The following ZFYVE9 variants were observed in gnomAD, a reference collection of about 807,000 sequenced individuals.
ZFYVE9 encodes the protein zinc finger FYVE-type containing 9.
Under a neutral mutation model 126.7 loss-of-function variants are expected in ZFYVE9, and 43 were observed. The ratio of observed to expected loss-of-function variants is 0.34; its 90% CI spans 0.27 to 0.44. The LOEUF is 0.44. ZFYVE9 is among the 20% of genes least tolerant of loss of function. The pLI, the probability that ZFYVE9 is intolerant of heterozygous loss-of-function variation, is 1.00. For missense variants in ZFYVE9, 1,476 were observed against 1,697.0 expected, an observed-to-expected ratio of 0.87 and a Z score of 2.29; for synonymous variants, 521 against 597.4, an observed-to-expected ratio of 0.87 and a Z score of 1.87.
chr1:52,202,158 T>C (rs1461754529), intron 1 of ZFYVE9, among the ~76,000 whole-genome samples: 6 of 152,178 alleles, frequency 3.9e-5, no homozygotes, highest in Non-Finnish European at 7.3e-5. Context: ...TAGGTTGGTC[T>C]TTTTTTCCTC....
chr1:52,169,355 G>GCCATGAT lies in ZFYVE9; in HGVS notation c.-143+26952_-143+26953insCCATGAT, dbSNP rs533366460. ...GTCAAGGCTGCCATGAGCCATGATTGTGCCACTGCTCTCCAGCTTGGGTGA... is the reference window on the plus strand; with the variant it reads ...GTCAAGGCTGCCATGAGCCATGATTGCCATGATTGCCACTGCTCTCCAGCTTGGGTGA... On this transcript the variant is annotated intron_variant, in intron 1 of 18. Coordinates refer to ENST00000287727, the MANE Select transcript of ZFYVE9 (RefSeq NM_004799.4). Among the ~76,000 whole-genome samples, 454 of 152,266 alleles carry GCCATGAT rather than the reference G, an allele frequency of 3.0e-3. 2 individuals carry two copies. The highest frequency in any genetic ancestry group is 8.5e-3 in the South Asian group (41 of 4,822).
intron 1 of ZFYVE9, among the ~76,000 whole-genome samples, chr1:52,191,644 A>T (rs1014262806): frequency 3.9e-5 from 6 of 152,224 alleles, no homozygotes; most frequent in African/African-American, 1.4e-4. Flanking sequence ...ACTGATACTT[A>T]GGGTTATTCA....
chr1:52,246,537 T>TG (rs1645385967), intron 4 of ZFYVE9, among the ~76,000 whole-genome samples: 1 of 145,552 alleles, frequency 6.9e-6, no homozygotes, highest in African/African-American at 2.6e-5. Flanking sequence ...TTTCCTGGGT[T>TG]TTTTTTTTTT....
intron 1 of ZFYVE9, among the ~76,000 whole-genome samples, chr1:52,185,113 CCCCACTTGCTAACACTCAT>C (rs1644753055): frequency 6.6e-6 from 1 of 152,180 alleles, no homozygotes; most frequent in Non-Finnish European, 1.5e-5. Flanking sequence ...AGTACTATCT[CCCCACTTGCTAACACTCAT>C]CCCAGGTTTA....
At chr1:52,314,588 C>T (rs185667264) in intron 13 of ZFYVE9, among the ~76,000 whole-genome samples, 149 of 152,136 alleles carry the variant, frequency 9.8e-4, no homozygotes, top group African/African-American at 3.4e-3. Context: ...GATGCCAAGG[C>T]GGGTGGATCA....
At position 52,234,042 on chromosome 1, in the gene ZFYVE9, A is replaced by G. The variant is rs556276615; in HGVS notation, c.70+766A>G. On this transcript the variant is annotated intron_variant, in intron 3 of 18. Coordinates refer to ENST00000287727, the MANE Select transcript of ZFYVE9 (RefSeq NM_004799.4). ...GCAGTCCTCCCTCCTCAGCCGCCCA[A>G]AGTGCTGGGATTATAGGCATGAGCC... Among the ~76,000 whole-genome samples, 6 of 152,224 alleles carry G rather than the reference A, an allele frequency of 3.9e-5. No individual in the cohort carries two copies. In the East Asian group the frequency reaches 7.7e-4, roughly 20 times the overall value.
chr1:52,327,276 A>G (rs549385330), intron 13 of ZFYVE9, among the ~76,000 whole-genome samples: 3 of 152,256 alleles, frequency 2.0e-5, no homozygotes, highest in East Asian at 1.9e-4. Context: ...AAAGAAGGTA[A>G]TGGTCACATT....
chr1:52,255,815 A>G (rs1348362165), intron 4 of ZFYVE9, among the ~76,000 whole-genome samples: 1 of 152,030 alleles, frequency 6.6e-6, no homozygotes. Flanking sequence ...AGATTGCATC[A>G]CTGCACTCTA....
At chr1:52,207,925 A>G (rs1213199962) in intron 1 of ZFYVE9, among the ~76,000 whole-genome samples, 1 of 152,266 alleles carries the variant, frequency 6.6e-6, no homozygotes, top group African/African-American at 2.4e-5. Context: ...AAATACCTTC[A>G]TCATCATTAA....
At chr1:52,325,096 G>A (rs1408452123) in intron 13 of ZFYVE9, among the ~76,000 whole-genome samples, 1 of 152,182 alleles carries the variant, frequency 6.6e-6, no homozygotes, top group East Asian at 1.9e-4. Flanking sequence ...TGGCTAACAT[G>A]GTGAAACCCT....
intron 12 of ZFYVE9, among the ~76,000 whole-genome samples, chr1:52,299,378 T>A (rs1002893376): frequency 1.3e-5 from 2 of 152,224 alleles, no homozygotes; most frequent in Admixed American, 6.5e-5. Context: ...ACAATTTGAC[T>A]TTCCAGTTTG....
chr1:52,160,551 G>GT (rs1644448056), intron 1 of ZFYVE9: 8 of 766,150 alleles, frequency 1.0e-5, no homozygotes, highest in South Asian at 8.4e-5. Flanking sequence ...CACGCCTCAA[G>GT]TGCTGCTCTC....
chr1:52,231,137 A>G (rs1275602415), intron 2 of ZFYVE9, among the ~76,000 whole-genome samples: 1 of 152,236 alleles, frequency 6.6e-6, no homozygotes, highest in African/African-American at 2.4e-5. Flanking sequence ...TAGACATTAA[A>G]TGTGCAACCT....
chr1:52,178,440 T>C (rs1057245812), intron 1 of ZFYVE9, among the ~76,000 whole-genome samples: 41 of 151,540 alleles, frequency 2.7e-4, no homozygotes, highest in African/African-American at 9.7e-4. Context: ...CAAGTGATTC[T>C]CTTGCCTCGG....
chr1:52,258,830 A>G (rs1645549324), intron 4 of ZFYVE9, among the ~76,000 whole-genome samples: 1 of 151,330 alleles, frequency 6.6e-6, no homozygotes, highest in Non-Finnish European at 1.5e-5. Flanking sequence ...GGCCTGTGGG[A>G]TATTGAGAAA....
At chr1:52,225,288 A>T (rs1204900597) in intron 2 of ZFYVE9, among the ~76,000 whole-genome samples, 1 of 152,286 alleles carries the variant, frequency 6.6e-6, no homozygotes, top group East Asian at 1.9e-4. Flanking sequence ...CACCACAACG[A>T]GGCAGTGGGA....
At chr1:52,324,105 C>T (rs766455348) in intron 13 of ZFYVE9, among the ~76,000 whole-genome samples, 6 of 151,424 alleles carry the variant, frequency 4.0e-5, no homozygotes, top group Non-Finnish European at 8.8e-5. Flanking sequence ...ATAAAGATAG[C>T]TGGGCATAGT....
chr1:52,320,571 C>T (rs1646229875), intron 13 of ZFYVE9, among the ~76,000 whole-genome samples: 1 of 152,094 alleles, frequency 6.6e-6, no homozygotes, highest in African/African-American at 2.4e-5. Flanking sequence ...ATTGTATAGC[C>T]AGTTGTTTGA....
intron 4 of ZFYVE9, among the ~76,000 whole-genome samples, chr1:52,255,940 TTTCTTTTCTTTTC>T (rs1645507207): frequency 1.6e-5 from 2 of 125,712 alleles, no homozygotes; most frequent in Admixed American, 1.6e-4. Context: ...TTTCTTTTCT[TTTCTTTTCTTTTC>T]TTTTCTTTTC....
Sources: allele counts gnomAD v4.1 joint callset (sites outside exome capture counted in the v4.1 genomes callset), GRCh38; gene constraint gnomAD v4.1.1; transcripts MANE v1.5; gene names NCBI Gene and HGNC (gene_info 2026-07-23, HGNC 2026-07-21).